Variants in VPS13B observed in about 807,000 individuals in gnomAD.
VPS13B encodes vacuolar protein sorting 13 homolog B.
VPS13B carries 285 observed loss-of-function variants against 426.4 expected under a neutral mutation model. That is an observed-to-expected ratio of 0.67 (90% confidence interval 0.61 to 0.74). The LOEUF (loss-of-function observed/expected upper bound fraction) is 0.74, where lower values mean the gene tolerates loss of function less well. Among genes scored for constraint, VPS13B ranks in the 30% least tolerant of loss-of-function variants. VPS13B has a pLI of 0.00. For synonymous variants in VPS13B, 1,676 were observed against 1,676.4 expected (o/e 1.00, Z 0.01); for missense variants, 4,537 against 4,782.6 (o/e 0.95, Z 1.51).
intron 35 of VPS13B, among the ~76,000 whole-genome samples, chr8:99,673,410 A>G (rs1452235123): frequency 1.3e-5 from 2 of 152,010 alleles, no homozygotes; most frequent in Non-Finnish European, 2.9e-5. Context: ...TTGTTGGCAT[A>G]TAATTGTTCA....
intron 54 of VPS13B, among the ~76,000 whole-genome samples, chr8:99,843,193 A>C (rs1815798302): frequency 6.6e-6 from 1 of 152,098 alleles, no homozygotes; most frequent in African/African-American, 2.4e-5. Context: ...TGCTGACTGA[A>C]GTGCTCTAAC....
At chr8:99,237,193 G>A (rs546938181) in intron 17 of VPS13B, among the ~76,000 whole-genome samples, 2 of 152,098 alleles carry the variant, frequency 1.3e-5, no homozygotes, top group Admixed American at 6.6e-5. Context: ...GCTCAGTCTC[G>A]GGTATGTCTT....
intron 58 of VPS13B, 131 bp from the exon 59 acceptor site, chr8:99,868,158 G>A: frequency 9.4e-7 from 1 of 1,061,118 alleles, no homozygotes; most frequent in Non-Finnish European, 1.4e-6. Flanking sequence ...GTAAACAAAT[G>A]GGTAGTAAAG....
chr8:99,861,989 G>T (rs1230897123), intron 58 of VPS13B, 43 bp downstream of exon 58: 1 of 1,541,778 alleles, frequency 6.5e-7, no homozygotes, highest in South Asian at 1.2e-5. Flanking sequence ...ACTCCAGCAG[G>T]CTGAGATGCA....
At position 99,556,609 on chromosome 8, in the gene VPS13B, A is replaced by G; in HGVS notation, c.4905A>G (p.Glu1635=). Residue 1635 remains glutamate (E), a synonymous_variant, in exon 31 of 62, where the codon GAA becomes GAG. Coordinates refer to ENST00000357162, the MANE Select transcript of VPS13B (RefSeq NM_152564.5). The part of the protein sequence containing the change: ...SVSGGVVTET[E]RNSQNPALEW... ...CAGGAGGGGTGGTAACAGAGACTGA[A>G]AGGAATTCTCAAAATCCAGCCCTTG... 1.2e-6 allele frequency: 2 copies of G among 1,613,224 alleles called. No individual in the cohort carries two copies. The highest frequency in any genetic ancestry group is 1.7e-6 in the Non-Finnish European group (2 of 1,179,476).
intron 3 of VPS13B, among the ~76,000 whole-genome samples, chr8:99,044,084 C>CTTTTTTTTTTTTTTTTTTTTTTTTTTTCT: frequency 1.0e-5 from 1 of 98,932 alleles, no homozygotes; most frequent in Non-Finnish European, 1.9e-5. Context: ...TTCTTTCTTT[C>CTTTTTTTTTTTTTTTTTTTTTTTTTTTCT]TTTTTTTTTT....
intron 8 of VPS13B, among the ~76,000 whole-genome samples, chr8:99,127,642 G>C (rs1159219002): frequency 6.6e-6 from 1 of 152,072 alleles, no homozygotes; most frequent in Admixed American, 6.6e-5. Flanking sequence ...TGATCTCAAG[G>C]CTCCAGGAAA....
intron 16 of VPS13B, among the ~76,000 whole-genome samples, chr8:99,171,941 C>T (rs960560266): frequency 1.1e-4 from 17 of 152,054 alleles, no homozygotes; most frequent in Non-Finnish European, 2.9e-5. Flanking sequence ...TTCCCTGGGA[C>T]GTCAGAGATA....
At chr8:99,030,474 G>GTA (rs1443777438) in intron 2 of VPS13B, among the ~76,000 whole-genome samples, 2 of 151,620 alleles carry the variant, frequency 1.3e-5, no homozygotes, top group East Asian at 3.9e-4. Flanking sequence ...GTGTGTGTGT[G>GTA]TGTGTGTGTG....
At chr8:99,795,123 A>G (rs1471337624) in intron 43 of VPS13B, among the ~76,000 whole-genome samples, 1 of 152,138 alleles carries the variant, frequency 6.6e-6, no homozygotes. Context: ...TTAAGCTTGT[A>G]TCTCCCCTTG....
At chr8:99,709,489 G>T (rs781339645) in intron 36 of VPS13B, among the ~76,000 whole-genome samples, 1 of 152,174 alleles carries the variant, frequency 6.6e-6, no homozygotes, top group Non-Finnish European at 1.5e-5. Context: ...TCAATGAAAA[G>T]TATGTCAGTA....
At chr8:99,757,817 G>A (rs962399939) in intron 39 of VPS13B, among the ~76,000 whole-genome samples, 1 of 152,098 alleles carries the variant, frequency 6.6e-6, no homozygotes, top group African/African-American at 2.4e-5. Context: ...AGTTTATTAT[G>A]TATGGCTGGC....
At chr8:99,154,371 T>G (rs1811241997) in intron 14 of VPS13B, among the ~76,000 whole-genome samples, 1 of 152,174 alleles carries the variant, frequency 6.6e-6, no homozygotes, top group African/African-American at 2.4e-5. Context: ...TTCCGGGTTT[T>G]TTTTTGGTTT....
At chr8:99,253,706 A>G (rs1471729374) in intron 17 of VPS13B, among the ~76,000 whole-genome samples, 2 of 152,034 alleles carry the variant, frequency 1.3e-5, no homozygotes, top group Non-Finnish European at 2.9e-5. Context: ...TAATTGATAT[A>G]TTGTGAGAGC....
chr8:99,758,970 G>A (rs79671730), intron 39 of VPS13B, among the ~76,000 whole-genome samples: 6,880 of 152,134 alleles, frequency 0.045, 167 homozygotes, highest in African/African-American at 0.059. Flanking sequence ...GCTCACCAGT[G>A]CCACTGGCCT....
intron 19 of VPS13B, among the ~76,000 whole-genome samples, chr8:99,370,084 A>G (rs769368275): frequency 1.3e-5 from 2 of 152,236 alleles, no homozygotes; most frequent in African/African-American, 2.4e-5. Context: ...GGAAAATTAA[A>G]GACAGATATA....
chr8:99,667,295 A>G (rs1023364965), intron 35 of VPS13B, among the ~76,000 whole-genome samples: 5 of 144,454 alleles, frequency 3.5e-5, no homozygotes, highest in African/African-American at 7.5e-5. Flanking sequence ...TTAAAAAATT[A>G]TACATGACTT....
chr8:99,623,879 T>C (rs1828473191), intron 33 of VPS13B, among the ~76,000 whole-genome samples: 1 of 151,940 alleles, frequency 6.6e-6, no homozygotes, highest in Non-Finnish European at 1.5e-5. Context: ...GAGATAATGG[T>C]ACTCATTTAT....
At chr8:99,158,028 A>T (rs1232491779) in intron 15 of VPS13B, among the ~76,000 whole-genome samples, 1 of 152,244 alleles carries the variant, frequency 6.6e-6, no homozygotes, top group Non-Finnish European at 1.5e-5. Context: ...CATGAAGTGT[A>T]AGAGAAGCCA....
Sources: allele counts gnomAD v4.1 joint callset (sites outside exome capture counted in the v4.1 genomes callset), GRCh38; gene constraint gnomAD v4.1.1; transcripts MANE v1.5; gene names NCBI Gene and HGNC (gene_info 2026-07-23, HGNC 2026-07-21).